The following WWOX variants were observed in gnomAD, a reference collection of about 807,000 sequenced individuals.
WWOX encodes WW domain-containing oxidoreductase.
A neutral mutation model predicts 46.2 loss-of-function variants in WWOX; 69 were observed. The observed-to-expected ratio is 1.49, with a 90% CI of 1.23 to 1.82. The LOEUF is 1.82. WWOX is among the 40% of genes most tolerant of loss of function. WWOX has a pLI of 0.00. For missense variants in WWOX, 919 were observed against 542.6 expected (o/e 1.69, Z -6.89); for synonymous variants, 359 against 202.6 (o/e 1.77, Z -6.56).
At chr16:79,160,455 A>G (rs1265210573) in intron 8 of WWOX, among the ~76,000 whole-genome samples, 2 of 152,090 alleles carry the variant, frequency 1.3e-5, no homozygotes, top group Non-Finnish European at 2.9e-5. Context: ...CAGAGATCAG[A>G]TGAACCCTCG....
intron 8 of WWOX, among the ~76,000 whole-genome samples, chr16:79,161,742 C>G (rs1053966772): frequency 6.6e-6 from 1 of 152,184 alleles, no homozygotes; most frequent in African/African-American, 2.4e-5. Context: ...TGGTCTCAAA[C>G]TCGTGACCTC....
chr16:78,267,562 C>T (rs1287383592), intron 5 of WWOX, among the ~76,000 whole-genome samples: 2 of 152,146 alleles, frequency 1.3e-5, no homozygotes, highest in East Asian at 1.9e-4. Context: ...GCCCAGGACT[C>T]GAGGGGAATG....
intron 5 of WWOX, among the ~76,000 whole-genome samples, chr16:78,215,913 C>G (rs1309374944): frequency 2.7e-5 from 4 of 148,464 alleles, no homozygotes; most frequent in African/African-American, 1.0e-4. Flanking sequence ...GTGATTCCAT[C>G]TCAAAAAAAA....
At chr16:78,527,833 C>T (rs1261229997) in intron 8 of WWOX, among the ~76,000 whole-genome samples, 1 of 151,436 alleles carries the variant, frequency 6.6e-6, no homozygotes. Context: ...GGAAAAGGTG[C>T]TACTGGCATC....
chr16:79,094,287 T>G (rs1310488713), intron 8 of WWOX, among the ~76,000 whole-genome samples: 1 of 150,962 alleles, frequency 6.6e-6, no homozygotes, highest in African/African-American at 2.4e-5. Flanking sequence ...GGGGTCTCGC[T>G]CTGTCTCCCA....
intron 8 of WWOX, among the ~76,000 whole-genome samples, chr16:78,636,703 C>G (rs1039460568): frequency 6.6e-6 from 1 of 152,108 alleles, no homozygotes; most frequent in African/African-American, 2.4e-5. Context: ...GGTGTGTGAA[C>G]AAAAACAGGC....
intron 8 of WWOX, among the ~76,000 whole-genome samples, chr16:79,102,873 C>G (rs538238289): frequency 4.6e-5 from 7 of 152,136 alleles, no homozygotes; most frequent in African/African-American, 1.7e-4. Context: ...GGCAGAATGT[C>G]CTGTGTACTT....
intron 5 of WWOX, among the ~76,000 whole-genome samples, chr16:78,313,045 A>C (rs1356141272): frequency 6.6e-6 from 1 of 152,228 alleles, no homozygotes; most frequent in East Asian, 1.9e-4. Context: ...AACACCAGAC[A>C]TGTCCTGTTT....
intron 5 of WWOX, among the ~76,000 whole-genome samples, chr16:78,225,671 A>G (rs2037030329): frequency 6.6e-6 from 1 of 152,172 alleles, no homozygotes; most frequent in Non-Finnish European, 1.5e-5. Context: ...TGAGTAGTTC[A>G]TTGTCCCAAC....
chr16:78,816,549 A>C (rs372836868), intron 8 of WWOX, among the ~76,000 whole-genome samples: 1 of 110,556 alleles, frequency 9.0e-6, no homozygotes, highest in Admixed American at 1.2e-4. Flanking sequence ...ATGAGGGGAA[A>C]TGTTTCTTCC....
chr16:78,186,256 C>T (rs576912630), intron 5 of WWOX, among the ~76,000 whole-genome samples: 53 of 145,910 alleles, frequency 3.6e-4, no homozygotes, highest in Middle Eastern at 3.6e-3. Context: ...TTTTTTTTGA[C>T]ACGGCTCCTG....
intron 8 of WWOX, among the ~76,000 whole-genome samples, chr16:78,543,071 A>G (rs1233238107): frequency 6.6e-6 from 1 of 152,226 alleles, no homozygotes; most frequent in African/African-American, 2.4e-5. Flanking sequence ...AGCAGAGTAC[A>G]TGTGTTTCAT....
At chr16:78,870,911 C>T (rs1036797499) in intron 8 of WWOX, among the ~76,000 whole-genome samples, 1 of 152,140 alleles carries the variant, frequency 6.6e-6, no homozygotes, top group Admixed American at 6.6e-5. Flanking sequence ...CTAATCTAAT[C>T]AGTTCCTTTA....
intron 8 of WWOX, among the ~76,000 whole-genome samples, chr16:78,867,886 C>T (rs965301496): frequency 6.6e-6 from 1 of 152,114 alleles, no homozygotes; most frequent in East Asian, 1.9e-4. Flanking sequence ...GATTTATTAT[C>T]CCAAGAGTTG....
At chr16:78,637,193 G>A (rs942123444) in intron 8 of WWOX, among the ~76,000 whole-genome samples, 3 of 152,130 alleles carry the variant, frequency 2.0e-5, no homozygotes, top group Non-Finnish European at 4.4e-5. Flanking sequence ...AGGCTGAAGC[G>A]GGCAGATCAC....
intron 4 of WWOX, among the ~76,000 whole-genome samples, chr16:78,161,598 C>T (rs1307723372): frequency 1.3e-5 from 2 of 151,974 alleles, no homozygotes; most frequent in Non-Finnish European, 2.9e-5. Context: ...CGGTACCTGC[C>T]ACCACACCTG....
chr16:78,331,994 A>T (rs188553547), intron 5 of WWOX, among the ~76,000 whole-genome samples: 1 of 152,312 alleles, frequency 6.6e-6, no homozygotes, highest in East Asian at 1.9e-4. Flanking sequence ...GCAGTACATC[A>T]GAGCCGAGGA....
chr16:78,367,647 C>A (rs773713834), intron 5 of WWOX, among the ~76,000 whole-genome samples: 9 of 152,102 alleles, frequency 5.9e-5, no homozygotes, highest in Non-Finnish European at 8.8e-5. Context: ...GGGATAATTT[C>A]CAGGCTGGGG....
Position 78,104,301 on chromosome 16 carries a change from C to G in WWOX, c.108-4122C>G, listed in dbSNP as rs182305464. ...TGTCCTCACTGTCAACTCTAGATCTCCCTGCTAACTTACACTGTGCTCAAA... is the reference window on the plus strand; with the variant it reads ...TGTCCTCACTGTCAACTCTAGATCTGCCTGCTAACTTACACTGTGCTCAAA... On this transcript the variant is annotated intron_variant, in intron 1 of 8. Transcript: ENST00000566780. 1.3e-4 allele frequency among the ~76,000 whole-genome samples: 20 copies of G among 150,434 alleles called. 1 individual carries two copies. Among genetic ancestry groups the G allele is most frequent in the African/African-American group, 4.7e-4 (19 of 40,724 alleles).
Sources: gnomAD v4.1 joint callset for allele counts (sites outside exome capture counted in the v4.1 genomes callset) on GRCh38, gnomAD v4.1.1 for gene constraint, MANE v1.5 for transcripts, NCBI Gene and HGNC (gene_info 2026-07-23, HGNC 2026-07-21) for gene names.